The following KCTD8 variants were observed in gnomAD, a reference collection of about 807,000 sequenced individuals.
KCTD8 encodes the protein BTB/POZ domain-containing protein KCTD8.
A neutral mutation model predicts 31.5 loss-of-function variants in KCTD8; 27 were observed. That is an observed-to-expected ratio of 0.86 (90% CI 0.63 to 1.18). The LOEUF is 1.18. Among genes scored for constraint, KCTD8 ranks in the 50% most tolerant of loss-of-function variants. The probability of loss-of-function intolerance (pLI) is 0.00; values close to 1 mark genes in which losing one functional copy is unlikely to be tolerated. For synonymous variants in KCTD8, 290 were observed against 280.0 expected (o/e 1.04, Z -0.36); for missense variants, 658 against 647.7 (o/e 1.02, Z -0.17).
At chr4:44,287,833 T>G (rs901504126) in intron 1 of KCTD8, among the ~76,000 whole-genome samples, 2 of 152,184 alleles carry the variant, frequency 1.3e-5, no homozygotes, top group Non-Finnish European at 2.9e-5. Flanking sequence ...AAGATAAAAC[T>G]AATCCCTTCA....
intron 1 of KCTD8, among the ~76,000 whole-genome samples, chr4:44,262,976 T>A (rs1030717975): frequency 6.6e-6 from 1 of 152,120 alleles, no homozygotes. Flanking sequence ...ATGAAACATA[T>A]GTTGAATTAT....
At chr4:44,292,235 G>A (rs1375466354) in intron 1 of KCTD8, among the ~76,000 whole-genome samples, 2 of 151,972 alleles carry the variant, frequency 1.3e-5, no homozygotes, top group African/African-American at 4.8e-5. Flanking sequence ...CGTGCCCATC[G>A]ACAGTGGACT....
chr4:44,257,456 C>T (rs1226705694), intron 1 of KCTD8, among the ~76,000 whole-genome samples: 1 of 151,926 alleles, frequency 6.6e-6, no homozygotes, highest in South Asian at 2.1e-4. Flanking sequence ...CTAGGACTGT[C>T]CCTTAGGGCA....
intron 1 of KCTD8, among the ~76,000 whole-genome samples, chr4:44,428,802 A>G (rs947261660): frequency 2.6e-5 from 4 of 151,878 alleles, no homozygotes; most frequent in Admixed American, 6.6e-5. Flanking sequence ...ACCACACTGA[A>G]ATATAAGCAG....
Position 44,216,893 on chromosome 4 carries a change from A to AT in KCTD8, c.962-41644dup, listed in dbSNP as rs796565307. On this transcript the variant is annotated intron_variant, in intron 1 of 1. Coordinates refer to ENST00000360029, the MANE Select transcript of KCTD8 (RefSeq NM_198353.3). ...GTGACTCTATACACTTCAAAAGTTA[A>AT]TTTTTTTTTTGTCAAAGGAGATGCA... Among the ~76,000 whole-genome samples the AT allele has an allele frequency of 9.4e-3, 1,411 of 150,394 alleles. 26 individuals are homozygous for AT. The highest frequency in any genetic ancestry group is 0.032 in the African/African-American group (1,305 of 41,058).
At chr4:44,271,759 C>T (rs1716612402) in intron 1 of KCTD8, among the ~76,000 whole-genome samples, 1 of 152,066 alleles carries the variant, frequency 6.6e-6, no homozygotes, top group Non-Finnish European at 1.5e-5. Flanking sequence ...CCCTTTGTTT[C>T]CCATAAGGAA....
chr4:44,415,038 A>G (rs1204537209), intron 1 of KCTD8, among the ~76,000 whole-genome samples: 1 of 152,218 alleles, frequency 6.6e-6, no homozygotes, highest in African/African-American at 2.4e-5. Flanking sequence ...TGGACAAAGG[A>G]CAGGCTGATG....
chr4:44,350,437 T>C (rs1719167578), intron 1 of KCTD8, among the ~76,000 whole-genome samples: 2 of 152,200 alleles, frequency 1.3e-5, no homozygotes, highest in East Asian at 1.9e-4. Context: ...TGTGGTTTCA[T>C]GTACACCTAT....
chr4:44,194,767 C>T (rs1444646638), intron 1 of KCTD8, among the ~76,000 whole-genome samples: 2 of 58,394 alleles, frequency 3.4e-5, no homozygotes, highest in Admixed American at 3.4e-4. Flanking sequence ...CTCCCTCCCT[C>T]CCACCCTCCC....
At chr4:44,207,924 T>C (rs1298744858) in intron 1 of KCTD8, among the ~76,000 whole-genome samples, 1 of 152,160 alleles carries the variant, frequency 6.6e-6, no homozygotes, top group Non-Finnish European at 1.5e-5. Context: ...GCTAGCAATA[T>C]AAACACAGGC....
intron 1 of KCTD8, among the ~76,000 whole-genome samples, chr4:44,255,039 C>T (rs1715952327): frequency 6.6e-6 from 1 of 151,888 alleles, no homozygotes; most frequent in Non-Finnish European, 1.5e-5. Flanking sequence ...AGTTTCAAAA[C>T]TTAGATGAGT....
chr4:44,303,400 T>C (rs1031984844), intron 1 of KCTD8, among the ~76,000 whole-genome samples: 3 of 152,144 alleles, frequency 2.0e-5, no homozygotes, highest in Admixed American at 2.0e-4. Context: ...TTTCAGATCC[T>C]GTTATTGGTC....
chr4:44,179,390 C>G (rs1300558904), intron 1 of KCTD8, among the ~76,000 whole-genome samples: 1 of 150,878 alleles, frequency 6.6e-6, no homozygotes, highest in African/African-American at 2.4e-5. Context: ...AAAAGGGGAA[C>G]CTGAATTTAC....
At chr4:44,306,522 A>G (rs1275083893) in intron 1 of KCTD8, among the ~76,000 whole-genome samples, 1 of 152,042 alleles carries the variant, frequency 6.6e-6, no homozygotes, top group Non-Finnish European at 1.5e-5. Flanking sequence ...ATGCATTACC[A>G]ACTGCACTGA....
chr4:44,434,223 T>C (rs1721586664), intron 1 of KCTD8, among the ~76,000 whole-genome samples: 2 of 151,808 alleles, frequency 1.3e-5, no homozygotes, highest in Admixed American at 1.3e-4. Flanking sequence ...AACTCTCCAT[T>C]CAGTTCAAGG....
chr4:44,401,978 T>A (rs1380140510), intron 1 of KCTD8, among the ~76,000 whole-genome samples: 1 of 152,208 alleles, frequency 6.6e-6, no homozygotes, highest in Non-Finnish European at 1.5e-5. Context: ...TTTGATGAAG[T>A]ATAAGTTAAT....
intron 1 of KCTD8, among the ~76,000 whole-genome samples, chr4:44,217,877 C>T (rs1413193042): frequency 1.3e-5 from 2 of 152,052 alleles, no homozygotes; most frequent in Non-Finnish European, 2.9e-5. Context: ...AGCTTCCCTA[C>T]TTTTGAGGCT....
At chr4:44,367,500 AC>A (rs750133257) in intron 1 of KCTD8, among the ~76,000 whole-genome samples, 8 of 152,350 alleles carry the variant, frequency 5.3e-5, no homozygotes, top group East Asian at 1.9e-4. Context: ...TTATATATAT[AC>A]AATCATGGAC....
intron 1 of KCTD8, among the ~76,000 whole-genome samples, chr4:44,252,233 T>C (rs1027516439): frequency 2.6e-5 from 4 of 151,788 alleles, no homozygotes; most frequent in African/African-American, 4.8e-5. Flanking sequence ...GTATCCATTG[T>C]ATGCATATAT....
Sources: allele counts gnomAD v4.1 joint callset (sites outside exome capture counted in the v4.1 genomes callset), GRCh38; gene constraint gnomAD v4.1.1; transcripts MANE v1.5; gene names NCBI Gene and HGNC (gene_info 2026-07-23, HGNC 2026-07-21).